The following PSG2 variants were observed in gnomAD, a reference collection of about 807,000 sequenced individuals.
PSG2 encodes pregnancy specific beta-1-glycoprotein 2, also known as pregnancy-specific beta-1-glycoprotein 2.
PSG2 carries 49 observed loss-of-function variants against 36.2 expected under a neutral mutation model. The ratio of observed to expected loss-of-function variants is 1.35; its 90% CI spans 1.08 to 1.72. PSG2 has a LOEUF of 1.72. Ranked by LOEUF, PSG2 falls within the 40% of genes most tolerant of loss-of-function variation. The pLI is 0.00. For synonymous variants in PSG2, 261 were observed against 155.6 expected (o/e 1.68, Z -5.04); for missense variants, 605 against 407.2 (o/e 1.49, Z -4.18).
At chr19:43,082,060 G>T (rs756143680) in intron 1 of PSG2, 165 of 151,724 alleles carry the variant, frequency 1.1e-3, no homozygotes, top group Non-Finnish European at 2.0e-3. Flanking sequence ...GTCCCTCTCT[G>T]GTATATTTTC....
At chr19:43,077,640 G>T (rs1172907569) in intron 2 of PSG2, among the ~76,000 whole-genome samples, 1 of 151,676 alleles carries the variant, frequency 6.6e-6, no homozygotes, top group Admixed American at 6.6e-5. Flanking sequence ...CCATCAGATA[G>T]CACCCACCTG....
intron 2 of PSG2, among the ~76,000 whole-genome samples, chr19:43,077,400 A>G (rs1436763307): frequency 1.3e-5 from 2 of 151,788 alleles, no homozygotes; most frequent in African/African-American, 4.9e-5. Context: ...CCTGCTTCTA[A>G]TTTCTGTGCA....
intron 3 of PSG2, chr19:43,072,618 T>TG: frequency 6.2e-7 from 1 of 1,611,582 alleles, no homozygotes; most frequent in Non-Finnish European, 8.5e-7. Flanking sequence ...ATTTAGGGCT[T>TG]GGGCAGCTTC....
At chr19:43,081,318 C>A in intron 1 of PSG2, 72 bp from the exon 2 acceptor site, 1 of 1,521,736 alleles carries the variant, frequency 6.6e-7, no homozygotes, top group Non-Finnish European at 8.8e-7. Context: ...GCCCTGGGTC[C>A]TGAGGAGGTC....
At chr19:43,078,453 G>C (rs889559220) in intron 2 of PSG2, among the ~76,000 whole-genome samples, 1 of 151,732 alleles carries the variant, frequency 6.6e-6, no homozygotes, top group Non-Finnish European at 1.5e-5. Flanking sequence ...TAGAAGTTGA[G>C]ATTGGTCTTT....
intron 1 of PSG2, chr19:43,082,211 G>A (rs117936974): frequency 1.1e-5 from 3 of 277,496 alleles, no homozygotes; most frequent in East Asian, 1.0e-4. Flanking sequence ...CGCTATCTCG[G>A]CACGCTGCAA....
chr19:43,081,315 G>A (rs1967971106), intron 1 of PSG2, 69 bp from the exon 2 acceptor site: 6 of 1,546,678 alleles, frequency 3.9e-6, no homozygotes, highest in Non-Finnish European at 5.2e-6. Flanking sequence ...GGGGCCCTGG[G>A]TCCTGAGGAG....
intron 3 of PSG2, chr19:43,072,412 T>C (rs1335168929): frequency 6.2e-7 from 1 of 1,612,436 alleles, no homozygotes. Flanking sequence ...GTATTTCACA[T>C]TCATAGGGTC....
chr19:43,078,498 T>C (rs559515661), intron 2 of PSG2, among the ~76,000 whole-genome samples: 2 of 151,848 alleles, frequency 1.3e-5, no homozygotes, highest in Admixed American at 6.6e-5. Flanking sequence ...TTCTGGCAAC[T>C]GGCTGACCTC....
rs1202253461 is a variant in PSG2, at chr19:43,080,977, C to T, written c.334G>A (p.Val112Ile). ...TAGGATCCTGCGTCCTCCCGGGTGA[C>T]ATTCTGGATCAGCAGGGATGCATTG... Reference protein sequence around the residue: ...YSNASLLIQNVTREDAGSYTL... With the variant: ...YSNASLLIQNITREDAGSYTL... The change falls in exon 2 of 6, where the codon GTC (valine) becomes ATC (isoleucine). Residue 112 changes from valine (V) to isoleucine (I), a missense_variant. Val to Ile is a conservative substitution (Grantham distance 29). Coordinates refer to ENST00000406487, the MANE Select transcript of PSG2 (RefSeq NM_031246.4). 1.2e-6 allele frequency: 2 copies of T among 1,612,986 alleles called. No individual in the cohort carries two copies. Among genetic ancestry groups the T allele is most frequent in the African/African-American group, 1.3e-5 (1 of 74,352 alleles).
intron 2 of PSG2, among the ~76,000 whole-genome samples, chr19:43,076,026 G>A (rs933114411): frequency 6.6e-6 from 1 of 151,632 alleles, no homozygotes; most frequent in East Asian, 1.9e-4. Flanking sequence ...GCCCCCTGAG[G>A]TATGTTTTCT....
intron 2 of PSG2, among the ~76,000 whole-genome samples, chr19:43,076,998 AT>A (rs1967906331): frequency 6.6e-6 from 1 of 151,568 alleles, no homozygotes; most frequent in African/African-American, 2.4e-5. Context: ...GGGATGCTCA[AT>A]TCGTAATACT....
Position 43,072,558 on chromosome 19 carries a change from TGAA to T in PSG2, c.710-607_710-605del, listed in dbSNP as rs1045006582. ...TAGCTCTCACTCTTAGGTTCACAGGTGAAGGCTAATACATCCTTATTCTCCCTG... is the reference window on the plus strand; with the variant it reads ...TAGCTCTCACTCTTAGGTTCACAGGTGGCTAATACATCCTTATTCTCCCTG... On this transcript the variant is annotated intron_variant, in intron 3 of 5. Coordinates refer to ENST00000406487, the MANE Select transcript of PSG2 (RefSeq NM_031246.4). 3.8e-5 allele frequency: 62 copies of T among 1,611,262 alleles called. No homozygotes were observed. The African/African-American group carries it at 7.0e-4, about 18-fold the overall frequency.
At chr19:43,067,378 A>G (rs1053654921) in intron 4 of PSG2, among the ~76,000 whole-genome samples, 5 of 150,676 alleles carry the variant, frequency 3.3e-5, no homozygotes, top group African/African-American at 1.2e-4. Flanking sequence ...CTTTGCCCTT[A>G]GCTTTTTTTC....
At chr19:43,076,296 C>G (rs544281709) in intron 2 of PSG2, among the ~76,000 whole-genome samples, 2 of 151,712 alleles carry the variant, frequency 1.3e-5, no homozygotes, top group South Asian at 4.2e-4. Context: ...CAAGGAATGA[C>G]CTACAAAGAG....
intron 3 of PSG2, chr19:43,072,201 C>T (rs1967828990): frequency 4.2e-6 from 6 of 1,416,910 alleles, no homozygotes; most frequent in South Asian, 1.4e-5. Context: ...GCTGTGCCTA[C>T]CCAGGTTTTC....
In PSG2 at chr19:43,066,552, A is replaced by C. The variant is rs1058362; in HGVS notation, c.*5T>G. 1.9e-6 allele frequency: 3 copies of C among 1,594,486 alleles called. No individual in the cohort carries two copies. The highest frequency in any genetic ancestry group is 3.3e-5 in the Admixed American group (2 of 59,924). ...TCCTGAAATACAGAAATGACATCACAGCTGCTATGTTGGATTAAGGAGAGG... is the reference window on the plus strand; with the variant it reads ...TCCTGAAATACAGAAATGACATCACCGCTGCTATGTTGGATTAAGGAGAGG... On this transcript the variant is annotated 3_prime_UTR_variant, in exon 5 of 6. Transcript: ENST00000406487.
chr19:43,082,157 T>TTTTTTG, intron 1 of PSG2: 1 of 118,260 alleles, frequency 8.5e-6, no homozygotes, highest in Non-Finnish European at 1.7e-5. Context: ...TTTTTTTTTT[T>TTTTTTG]TGAGACGGAG....
intron 2 of PSG2, among the ~76,000 whole-genome samples, chr19:43,077,520 G>T (rs572381456): frequency 6.6e-6 from 1 of 151,776 alleles, no homozygotes; most frequent in East Asian, 1.9e-4. Context: ...GAAATAGGAA[G>T]ATTCTAAGTG....
Sources: allele counts gnomAD v4.1 joint callset (sites outside exome capture counted in the v4.1 genomes callset), GRCh38; gene constraint gnomAD v4.1.1; transcripts MANE v1.5; gene names NCBI Gene and HGNC (gene_info 2026-07-23, HGNC 2026-07-21).